The following CPA6 variants were observed in gnomAD, a reference collection of about 807,000 sequenced individuals.
The protein encoded by CPA6 is carboxypeptidase A6.
In CPA6, 58 loss-of-function variants were observed where a neutral mutation model predicts 63.3. The ratio of observed to expected loss-of-function variants is 0.92; its 90% confidence interval spans 0.74 to 1.14. CPA6 has a LOEUF of 1.14. Among genes scored for constraint, CPA6 ranks in the 50% most tolerant of loss-of-function variants. CPA6 has a pLI of 0.00. For synonymous variants in CPA6, 185 were observed against 179.0 expected, an observed-to-expected ratio of 1.03 and a Z score of -0.27; for missense variants, 565 against 526.6, an observed-to-expected ratio of 1.07 and a Z score of -0.71.
chr8:67,460,840 T>G (rs1418513927), intron 8 of CPA6, among the ~76,000 whole-genome samples: 1 of 152,162 alleles, frequency 6.6e-6, no homozygotes, highest in Non-Finnish European at 1.5e-5. Context: ...TTTCCCTCAA[T>G]CTGTTTCACA....
At chr8:67,667,356 G>A (rs1390611667) in intron 1 of CPA6, among the ~76,000 whole-genome samples, 3 of 152,172 alleles carry the variant, frequency 2.0e-5, no homozygotes, top group Admixed American at 2.0e-4. Context: ...TTAGCCCCCA[G>A]GTTTCCCCAA....
intron 3 of CPA6, among the ~76,000 whole-genome samples, chr8:67,517,200 A>C (rs1481785050): frequency 6.6e-6 from 1 of 152,174 alleles, no homozygotes; most frequent in Non-Finnish European, 1.5e-5. Context: ...CAAGCTAGAA[A>C]ACTTGGAGTC....
intron 1 of CPA6, among the ~76,000 whole-genome samples, chr8:67,659,350 G>T (rs1421723047): frequency 6.6e-6 from 1 of 152,184 alleles, no homozygotes; most frequent in Non-Finnish European, 1.5e-5. Flanking sequence ...TGCTAATTAA[G>T]AGACAAGGCA....
chr8:67,655,807 T>G (rs2128992128), intron 1 of CPA6, among the ~76,000 whole-genome samples: 1 of 152,204 alleles, frequency 6.6e-6, no homozygotes, highest in Middle Eastern at 3.4e-3. Flanking sequence ...CTGTGTGAAT[T>G]GAAAGGCAGA....
intron 2 of CPA6, among the ~76,000 whole-genome samples, chr8:67,539,814 C>G (rs1812666768): frequency 6.6e-6 from 1 of 152,074 alleles, no homozygotes; most frequent in Non-Finnish European, 1.5e-5. Context: ...TTGCATGCTT[C>G]ACAAAGTTCT....
intron 9 of CPA6, among the ~76,000 whole-genome samples, chr8:67,429,034 T>C (rs1215495704): frequency 2.6e-5 from 4 of 152,158 alleles, no homozygotes; most frequent in African/African-American, 9.7e-5. Context: ...AAGAAACCCC[T>C]TAATTCAGTA....
chr8:67,490,696 C>T (rs1393894), intron 6 of CPA6, among the ~76,000 whole-genome samples: 3,293 of 152,252 alleles, frequency 0.022, 116 homozygotes, highest in African/African-American at 0.073. Flanking sequence ...TTGGCCTCTA[C>T]ATACTTATGT....
intron 2 of CPA6, among the ~76,000 whole-genome samples, chr8:67,548,055 ACTTTT>A (rs1341875872): frequency 6.6e-6 from 1 of 151,514 alleles, no homozygotes; most frequent in Non-Finnish European, 1.5e-5. Flanking sequence ...AGGGAACTTC[ACTTTT>A]CTTTTCTTTT....
chr8:67,688,611 A>T (rs1302948851), intron 1 of CPA6, among the ~76,000 whole-genome samples: 2 of 152,018 alleles, frequency 1.3e-5, no homozygotes, highest in African/African-American at 4.8e-5. Context: ...CAAAAACAAC[A>T]CTTTTGTGAC....
intron 1 of CPA6, among the ~76,000 whole-genome samples, chr8:67,711,875 C>T (rs1817269342): frequency 6.6e-6 from 1 of 152,122 alleles, no homozygotes; most frequent in Non-Finnish European, 1.5e-5. Context: ...CCAATCAATA[C>T]CCTGGTGGCA....
intron 1 of CPA6, among the ~76,000 whole-genome samples, chr8:67,712,204 T>C (rs1587720947): frequency 1.3e-5 from 2 of 151,956 alleles, no homozygotes; most frequent in South Asian, 2.1e-4. Flanking sequence ...TTGGTGCAGA[T>C]TGGGTAGAGA....
intron 5 of CPA6, 138 bp from the exon 6 acceptor site, chr8:67,507,026 T>C: frequency 1.7e-6 from 1 of 575,406 alleles, no homozygotes; most frequent in Non-Finnish European, 3.2e-6. Flanking sequence ...AGGGAGTTCC[T>C]ATCTATCTCG....
chr8:67,477,797 T>C (rs1312451556), intron 8 of CPA6, among the ~76,000 whole-genome samples: 1 of 152,170 alleles, frequency 6.6e-6, no homozygotes, highest in African/African-American at 2.4e-5. Context: ...TTGCTGTGAG[T>C]TCCATGCCTC....
intron 2 of CPA6, among the ~76,000 whole-genome samples, chr8:67,563,306 T>A (rs1813258826): frequency 1.3e-5 from 2 of 152,236 alleles, no homozygotes; most frequent in Admixed American, 1.3e-4. Context: ...TGCATTTGAC[T>A]GATGGTTCTG....
intron 1 of CPA6, among the ~76,000 whole-genome samples, chr8:67,679,238 C>T (rs983631143): frequency 1.3e-5 from 2 of 152,274 alleles, no homozygotes; most frequent in East Asian, 3.9e-4. Flanking sequence ...AAGCCCCGAA[C>T]ATTCTGAAAA....
chr8:67,558,400 C>T (rs1813118158), intron 2 of CPA6, among the ~76,000 whole-genome samples: 2 of 152,152 alleles, frequency 1.3e-5, no homozygotes, highest in Admixed American at 1.3e-4. Flanking sequence ...ATATAAACTC[C>T]ATGAGGGCAT....
At chr8:67,598,489 T>C (rs957076045) in intron 2 of CPA6, among the ~76,000 whole-genome samples, 1 of 152,178 alleles carries the variant, frequency 6.6e-6, no homozygotes, top group Non-Finnish European at 1.5e-5. Context: ...TTTGGTAATA[T>C]GGAAAAACAA....
chr8:67,671,919 C>T (rs963423110), intron 1 of CPA6, among the ~76,000 whole-genome samples: 1 of 152,132 alleles, frequency 6.6e-6, no homozygotes, highest in Non-Finnish European at 1.5e-5. Context: ...CAACCTCTGT[C>T]TCCCAGGTTC....
At chr8:67,741,200 A>G (rs1817906820) in intron 1 of CPA6, among the ~76,000 whole-genome samples, 1 of 152,170 alleles carries the variant, frequency 6.6e-6, no homozygotes, top group South Asian at 2.1e-4. Context: ...GAGTCCATGG[A>G]ACTTTGCAAG....
Sources: gnomAD v4.1 joint callset for allele counts (sites outside exome capture counted in the v4.1 genomes callset) on GRCh38, gnomAD v4.1.1 for gene constraint, MANE v1.5 for transcripts, NCBI Gene and HGNC (gene_info 2026-07-23, HGNC 2026-07-21) for gene names.